The following LYPD6B variants were observed in gnomAD, a reference collection of about 807,000 sequenced individuals.
LYPD6B encodes the protein ly6/PLAUR domain-containing protein 6B.
A neutral mutation model predicts 22.8 loss-of-function variants in LYPD6B; 17 were observed. The observed-to-expected ratio is 0.75, with a 90% CI of 0.51 to 1.12. The LOEUF (loss-of-function observed/expected upper bound fraction) is 1.12. Ranked by LOEUF, LYPD6B falls within the 50% of genes most tolerant of loss-of-function variation. The pLI, the probability that LYPD6B is intolerant of heterozygous loss-of-function variation, is 0.00. For missense variants in LYPD6B, 221 were observed against 258.3 expected (o/e 0.86, Z 0.99); for synonymous variants, 106 against 91.6 (o/e 1.16, Z -0.90).
chr2:149,054,885 A>C (rs1325461100), intron 1 of LYPD6B, among the ~76,000 whole-genome samples: 7 of 152,112 alleles, frequency 4.6e-5, no homozygotes, highest in African/African-American at 1.7e-4. Flanking sequence ...TTTAAAAAAA[A>C]AAAAAAGTTT....
chr2:149,207,730 T>C (rs1465959391), intron 4 of LYPD6B, among the ~76,000 whole-genome samples: 4 of 152,184 alleles, frequency 2.6e-5, no homozygotes, highest in Non-Finnish European at 5.9e-5. Context: ...TAAATGTAGC[T>C]GTACTGGAAG....
At position 149,214,695 on chromosome 2, in the gene LYPD6B, G is replaced by A; in HGVS notation, c.609G>A (p.Val203=). The stretch of plus-strand genomic sequence containing the variant: ...TACCAGTGCTTGCCTGGGTCTTTGT[G>A]CTTCCATTGCTGTGATGCCACCATT... ...LYLPVLAWVF[V]LPLL The change falls in exon 7 of 7, where the codon GTG becomes GTA. Residue 203 remains valine (V), a synonymous_variant. Coordinates refer to ENST00000409642, the MANE Select transcript of LYPD6B (RefSeq NM_177964.5). 6.2e-7 allele frequency: 1 copy of A among 1,614,004 alleles called. No individual in the cohort carries two copies. Among genetic ancestry groups the A allele is most frequent in the Non-Finnish European group, 8.5e-7 (1 of 1,179,886 alleles).
intron 1 of LYPD6B, chr2:149,119,015 A>G (rs1344951410): frequency 6.6e-6 from 1 of 152,252 alleles, no homozygotes; most frequent in Non-Finnish European, 1.5e-5. Flanking sequence ...TGCTTTATAA[A>G]TGTAAGGTGG....
intron 1 of LYPD6B, among the ~76,000 whole-genome samples, chr2:149,096,563 G>T (rs1328271323): frequency 6.6e-6 from 1 of 152,152 alleles, no homozygotes; most frequent in Non-Finnish European, 1.5e-5. Context: ...ATATGGAAAT[G>T]AGTTTACTCT....
intron 1 of LYPD6B, among the ~76,000 whole-genome samples, chr2:149,087,112 A>C (rs1350590118): frequency 6.6e-6 from 1 of 152,128 alleles, no homozygotes; most frequent in Non-Finnish European, 1.5e-5. Context: ...ATCAGCTCAT[A>C]ACAGGAGCTA....
At chr2:149,071,124 G>A (rs899665063) in intron 1 of LYPD6B, among the ~76,000 whole-genome samples, 3 of 152,222 alleles carry the variant, frequency 2.0e-5, no homozygotes, top group Admixed American at 6.5e-5. Context: ...TGTAAAACGC[G>A]GCTTGGCAGG....
At chr2:149,198,202 G>A (rs1393082488) in intron 3 of LYPD6B, among the ~76,000 whole-genome samples, 7 of 151,610 alleles carry the variant, frequency 4.6e-5, no homozygotes, top group Admixed American at 3.9e-4. Flanking sequence ...GCCACCAGCC[G>A]AGCTAATTTT....
At chr2:149,160,961 G>A (rs1690027686) in intron 3 of LYPD6B, 126 bp downstream of exon 3, 7 of 723,190 alleles carry the variant, frequency 9.7e-6, no homozygotes, top group Non-Finnish European at 1.7e-5. Flanking sequence ...CAGTTTGCCA[G>A]GTTTCCCATC....
intron 3 of LYPD6B, among the ~76,000 whole-genome samples, chr2:149,199,602 T>C (rs1693029529): frequency 6.6e-6 from 1 of 152,220 alleles, no homozygotes; most frequent in African/African-American, 2.4e-5. Context: ...TCTGTTGTGC[T>C]CTATAGAGAT....
At chr2:149,069,807 A>G (rs1031301599) in intron 1 of LYPD6B, among the ~76,000 whole-genome samples, 3 of 152,094 alleles carry the variant, frequency 2.0e-5, no homozygotes, top group Non-Finnish European at 2.9e-5. Context: ...GCCTGGTTCC[A>G]GTCCTGCAGA....
chr2:149,185,608 C>T (rs571230770), intron 3 of LYPD6B, among the ~76,000 whole-genome samples: 7 of 152,232 alleles, frequency 4.6e-5, no homozygotes, highest in Non-Finnish European at 7.4e-5. Context: ...AATGACCACA[C>T]GTAAGTAGAA....
chr2:149,205,121 C>T, intron 3 of LYPD6B, 132 bp from the exon 4 acceptor site: 2 of 849,154 alleles, frequency 2.4e-6, no homozygotes, highest in Non-Finnish European at 3.6e-6. Context: ...AATTTACTCG[C>T]AGGTCCTGGC....
chr2:149,155,636 G>A (rs944443457), intron 2 of LYPD6B, among the ~76,000 whole-genome samples: 11 of 152,238 alleles, frequency 7.2e-5, no homozygotes, highest in Admixed American at 2.6e-4. Context: ...TGGAACATGA[G>A]GACAGGCTAA....
intron 3 of LYPD6B, among the ~76,000 whole-genome samples, chr2:149,176,888 A>T (rs1403186924): frequency 6.6e-6 from 1 of 152,152 alleles, no homozygotes; most frequent in Non-Finnish European, 1.5e-5. Flanking sequence ...TATGCTTTAA[A>T]CCAATAATAA....
rs550938487 is a variant in LYPD6B, at chr2:149,092,826, C to T, written c.-66-38057C>T. ...AAGATAACAGTAACCTGGGTTCCTC[C>T]TGAGTTTGTGAAGCCCACCTCAAGG... On this transcript the variant is annotated intron_variant, in intron 1 of 6. Coordinates refer to ENST00000409642, the MANE Select transcript of LYPD6B (RefSeq NM_177964.5). 2.1e-3 allele frequency among the ~76,000 whole-genome samples: 318 copies of T among 152,278 alleles called. 3 individuals carry two copies. Among genetic ancestry groups the T allele is most frequent in the Middle Eastern group, 6.8e-3 (2 of 294 alleles).
chr2:149,104,243 T>C (rs1464977827), intron 1 of LYPD6B, among the ~76,000 whole-genome samples: 1 of 152,198 alleles, frequency 6.6e-6, no homozygotes, highest in Non-Finnish European at 1.5e-5. Flanking sequence ...TATGGATATA[T>C]GTTTTCTTTT....
intron 1 of LYPD6B, among the ~76,000 whole-genome samples, chr2:149,039,257 G>A (rs1216821148): frequency 6.6e-6 from 1 of 152,246 alleles, no homozygotes; most frequent in African/African-American, 2.4e-5. Context: ...AGCGCTTCAC[G>A]CGCGACCAGC....
chr2:149,147,595 C>G (rs945424963), intron 2 of LYPD6B, among the ~76,000 whole-genome samples: 1 of 152,100 alleles, frequency 6.6e-6, no homozygotes, highest in East Asian at 1.9e-4. Flanking sequence ...TTCACTGCAG[C>G]CTCTACCTTC....
chr2:149,163,220 T>C (rs1176869414), intron 3 of LYPD6B, among the ~76,000 whole-genome samples: 1 of 152,204 alleles, frequency 6.6e-6, no homozygotes, highest in Non-Finnish European at 1.5e-5. Flanking sequence ...CTGAGGAGTT[T>C]CAATAGATGC....
Sources: allele counts gnomAD v4.1 joint callset (sites outside exome capture counted in the v4.1 genomes callset), GRCh38; gene constraint gnomAD v4.1.1; transcripts MANE v1.5; gene names NCBI Gene and HGNC (gene_info 2026-07-23, HGNC 2026-07-21).